CELF2: variants seen among roughly 807,000 people sequenced by gnomAD.
CELF2 encodes CUGBP Elav-like family member 2.
A neutral mutation model predicts 62.6 loss-of-function variants in CELF2; 8 were observed. That is an observed-to-expected ratio of 0.13 (90% CI 0.07 to 0.23). The LOEUF is 0.23. Among genes scored for constraint, CELF2 ranks in the 10% least tolerant of loss-of-function variants. CELF2 has a pLI of 1.00. For synonymous variants in CELF2, 258 were observed against 250.0 expected (o/e 1.03, Z -0.30); for missense variants, 333 against 671.0 (o/e 0.50, Z 5.56).
chr10:10,988,531 G>A (rs893799211), intron 2 of CELF2, among the ~76,000 whole-genome samples: 5 of 152,040 alleles, frequency 3.3e-5, no homozygotes, highest in South Asian at 2.1e-4. Context: ...TTGGGAGGTG[G>A]TGAGGGATAA....
chr10:10,663,206 A>G, the CELF2 span, among the ~76,000 whole-genome samples: 6 of 152,224 alleles, frequency 3.9e-5, no homozygotes, highest in Non-Finnish European at 7.3e-5. Flanking sequence ...TGTGAGGAGG[A>G]ACTTGCCCAA....
At chr10:10,733,638 AGGT>A in the CELF2 span, among the ~76,000 whole-genome samples, 6 of 152,296 alleles carry the variant, frequency 3.9e-5, no homozygotes, top group Admixed American at 2.0e-4. Flanking sequence ...TCATGGTGGA[AGGT>A]GAAAATCCTG....
chr10:11,234,776 A>G lies in CELF2; in HGVS notation c.355-14377A>G, dbSNP rs146836204. Among the ~76,000 whole-genome samples, 256 of 152,110 alleles carry G rather than the reference A, an allele frequency of 1.7e-3. 3 individuals are homozygous for G. The highest frequency in any genetic ancestry group is 5.6e-3 in the African/African-American group (231 of 41,496). On this transcript the variant is annotated intron_variant, in intron 3 of 12. Coordinates refer to ENST00000633077, the MANE Select transcript of CELF2 (RefSeq NM_001326342.2). ...TCTTGATCCCCTCATCCCCATCGCA[A>G]TCCTTTCCATCAGGTAGATCCGCCC... is the stretch of plus-strand genomic sequence containing the variant.
At position 11,196,034 on chromosome 10, in the gene CELF2, GAA is replaced by G. The variant is rs5783195; in HGVS notation, c.272-21379_272-21378del. 1.3e-4 allele frequency among the ~76,000 whole-genome samples: 19 copies of G among 146,624 alleles called. 1 individual carries two copies. Among genetic ancestry groups the G allele is most frequent in the African/African-American group, 4.5e-4 (18 of 39,840 alleles). On this transcript the variant is annotated intron_variant, in intron 2 of 12. Coordinates refer to ENST00000633077, the MANE Select transcript of CELF2 (RefSeq NM_001326342.2). ...GTAAAAGAGCACCTCAGGCAGGGGA[GAA>G]AAAAAAAAAAACTGGTCCCTTGAGA... is the stretch of plus-strand genomic sequence containing the variant.
At chr10:10,724,221 G>A in the CELF2 span, among the ~76,000 whole-genome samples, 1 of 152,158 alleles carries the variant, frequency 6.6e-6, no homozygotes, top group Non-Finnish European at 1.5e-5. Context: ...TTGTCCTGGA[G>A]CCTTCTCTTC....
intron 4 of CELF2, chr10:11,257,440 G>A (rs1329986541): frequency 2.4e-5 from 6 of 248,100 alleles, no homozygotes; most frequent in East Asian, 1.6e-4. Context: ...TTTAGTCAGC[G>A]CATTACTGTT....
chr10:10,907,230 A>T (rs1007599863), intron 1 of CELF2, among the ~76,000 whole-genome samples: 3 of 152,210 alleles, frequency 2.0e-5, no homozygotes, highest in African/African-American at 7.2e-5. Flanking sequence ...AATAATTCAT[A>T]TACAGCTATA....
rs2094789147 is a variant in CELF2, at chr10:11,314,500, C to T, written c.1096+242C>T. The T allele has an allele frequency of 7.2e-6, 4 of 553,470 alleles. No individual in the cohort carries two copies. In the Admixed American group the frequency reaches 1.1e-4, roughly 15 times the overall value. 34.3% of individuals were successfully genotyped at this position (553,470 alleles called of 1,614,324 possible). A position where few individuals can be genotyped will look rare whatever the true frequency, so the allele number is the denominator to read the frequency against. On this transcript the variant is annotated intron_variant, in intron 10 of 12. Transcript: ENST00000633077. The surrounding 1 kb of genome is among the most constrained non-coding windows in gnomAD (Gnocchi z 5.3). ...TGTGTAGCACAGCGCGTGTGCTCAT[C>T]CATGGGGTTCTGTGGCTGGCAGCTC...
At chr10:10,567,026 G>C in the CELF2 span, among the ~76,000 whole-genome samples, 1 of 152,084 alleles carries the variant, frequency 6.6e-6, no homozygotes, top group Non-Finnish European at 1.5e-5. Flanking sequence ...CACATCTGCC[G>C]CGAAGATAAA....
the CELF2 span, among the ~76,000 whole-genome samples, chr10:10,783,760 G>T: frequency 1.3e-5 from 2 of 152,184 alleles, no homozygotes; most frequent in African/African-American, 4.8e-5. Context: ...GCCAAGGCGG[G>T]CAGATCACGG....
At chr10:10,632,172 G>A in the CELF2 span, among the ~76,000 whole-genome samples, 1 of 152,132 alleles carries the variant, frequency 6.6e-6, no homozygotes, top group African/African-American at 2.4e-5. Flanking sequence ...GAGAAGCTGT[G>A]ATTTCTGAAT....
In CELF2 at chr10:11,005,758, G is replaced by A. The variant is rs1401536699; in HGVS notation, c.53+318G>A. On this transcript the variant is annotated intron_variant, in intron 1 of 12. Coordinates refer to the CELF2 transcript ENST00000416382. The surrounding 1 kb of genome is among the most constrained non-coding windows in gnomAD (Gnocchi z 4.3). ...GGGCTCTGAATCTGGATCTTGGTTCGTCTTTTCCTTTGCAATGTCTAAGCC... is the reference window on the plus strand; with the variant it reads ...GGGCTCTGAATCTGGATCTTGGTTCATCTTTTCCTTTGCAATGTCTAAGCC... 5.3e-5 allele frequency among the ~76,000 whole-genome samples: 8 copies of A among 152,148 alleles called. No homozygotes were observed. The highest frequency in any genetic ancestry group is 2.1e-4 in the South Asian group (1 of 4,832).
At chr10:11,009,008 G>GC (rs1564360866) in intron 1 of CELF2, among the ~76,000 whole-genome samples, 1 of 22,316 alleles carries the variant, frequency 4.5e-5, no homozygotes, top group Non-Finnish European at 6.5e-5. Context: ...GAATTTGCGG[G>GC]GGGGGGGGGG....
chr10:11,167,046 G>A (rs953508775), intron 2 of CELF2, among the ~76,000 whole-genome samples: 1 of 152,226 alleles, frequency 6.6e-6, no homozygotes, highest in African/African-American at 2.4e-5. Flanking sequence ...CACATAGAAT[G>A]TTGTCACCAC....
intron 1 of CELF2, among the ~76,000 whole-genome samples, chr10:11,019,212 A>G (rs1470857983): frequency 6.6e-6 from 1 of 152,204 alleles, no homozygotes; most frequent in Non-Finnish European, 1.5e-5. Context: ...AAAAGAGAGA[A>G]AAGATTGCCA....
the CELF2 span, among the ~76,000 whole-genome samples, chr10:10,617,061 A>G: frequency 6.6e-6 from 1 of 152,208 alleles, no homozygotes; most frequent in East Asian, 1.9e-4. Context: ...CCAATCCCCA[A>G]ATTCTCTTTC....
At chr10:10,805,637 G>T (rs10905830) in intron 1 of CELF2, among the ~76,000 whole-genome samples, 19,260 of 152,124 alleles carry the variant, frequency 0.13, 1,547 homozygotes, top group Non-Finnish European at 0.19. Flanking sequence ...TTTAATGAGG[G>T]GGGGAGACGG....
At chr10:10,568,829 C>T in the CELF2 span, among the ~76,000 whole-genome samples, 336 of 152,182 alleles carry the variant, frequency 2.2e-3, 2 homozygotes, top group African/African-American at 7.9e-3. Context: ...AGCTGGTTTA[C>T]TAGGGAAGTA....
chr10:11,163,332 G>A (rs1039971935), intron 1 of CELF2, among the ~76,000 whole-genome samples: 2 of 152,136 alleles, frequency 1.3e-5, no homozygotes, highest in Non-Finnish European at 2.9e-5. Flanking sequence ...CTAGCTGGTT[G>A]TCAACAGCAG....
Sources: allele counts gnomAD v4.1 joint callset (sites outside exome capture counted in the v4.1 genomes callset), GRCh38; gene constraint gnomAD v4.1.1; non-coding constraint Gnocchi (gnomAD v3.1); transcripts MANE v1.5; gene names NCBI Gene and HGNC (gene_info 2026-07-23, HGNC 2026-07-21).